TSHZ1: variants seen among roughly 807,000 people sequenced by gnomAD.
TSHZ1 encodes the protein teashirt homolog 1.
Under a neutral mutation model 67.1 loss-of-function variants are expected in TSHZ1, and 12 were observed. That is an observed-to-expected ratio of 0.18 (90% CI 0.11 to 0.29). The LOEUF (loss-of-function observed/expected upper bound fraction) is 0.29. TSHZ1 is among the 10% of genes least tolerant of loss of function. The probability of loss-of-function intolerance (pLI) is 1.00; values close to 1 mark genes in which losing one functional copy is unlikely to be tolerated. For synonymous variants in TSHZ1, 632 were observed against 622.4 expected (o/e 1.02, Z -0.23); for missense variants, 1,305 against 1,413.9 (o/e 0.92, Z 1.23).
chr18:75,252,320 G>A (rs1171700300), intron 1 of TSHZ1, among the ~76,000 whole-genome samples: 1 of 152,186 alleles, frequency 6.6e-6, no homozygotes, highest in African/African-American at 2.4e-5. Flanking sequence ...CCAGGTCAAA[G>A]GTTTTGGATG....
At chr18:75,232,193 G>A (rs7241168) in intron 1 of TSHZ1, among the ~76,000 whole-genome samples, 35,089 of 151,968 alleles carry the variant, frequency 0.23, 4,046 homozygotes, top group East Asian at 0.32. Flanking sequence ...GATTACAGGC[G>A]TGAGCCACTG....
chr18:75,236,777 A>G (rs558563609), intron 1 of TSHZ1, among the ~76,000 whole-genome samples: 115 of 152,108 alleles, frequency 7.6e-4, no homozygotes, highest in Non-Finnish European at 1.4e-3. Flanking sequence ...TTTCAGTTTT[A>G]TAGTTATCTT....
At chr18:75,253,232 T>A (rs1414000506) in intron 1 of TSHZ1, among the ~76,000 whole-genome samples, 1 of 152,240 alleles carries the variant, frequency 6.6e-6, no homozygotes, top group Non-Finnish European at 1.5e-5. Flanking sequence ...TTTGGGAATC[T>A]TTCTGATTAG....
At chr18:75,235,254 TGTGGCGTTGG>T (rs2023052581) in intron 1 of TSHZ1, among the ~76,000 whole-genome samples, 1 of 152,200 alleles carries the variant, frequency 6.6e-6, no homozygotes, top group Admixed American at 6.5e-5. Context: ...TTTCCTGACA[TGTGGCGTTGG>T]GTCCCTTATG....
Position 75,211,379 on chromosome 18 carries a change from C to G in TSHZ1, c.-498C>G, listed in dbSNP as rs1265019300. ...CTGCGACCCGCGCACTAAAAACACT[C>G]GCCGCGACCCCCAAACAGCGAGGAG... On this transcript the variant is annotated 5_prime_UTR_variant, in exon 1 of 2. Coordinates refer to ENST00000580243, the MANE Select transcript of TSHZ1 (RefSeq NM_001308210.2). 3 of 151,948 alleles carry G rather than the reference C, an allele frequency of 2.0e-5. No homozygotes were observed. Among genetic ancestry groups the G allele is most frequent in the Non-Finnish European group, 4.4e-5 (3 of 67,960 alleles). The allele number at this position is 151,948 out of a possible 1,614,324, so 9.4% of individuals were successfully genotyped here.
intron 1 of TSHZ1, among the ~76,000 whole-genome samples, chr18:75,264,124 G>T (rs1251654143): frequency 6.6e-6 from 1 of 152,188 alleles, no homozygotes; most frequent in African/African-American, 2.4e-5. Context: ...AGATCACATA[G>T]TGCCACTCAT....
chr18:75,231,227 C>T (rs1418087990), intron 1 of TSHZ1, among the ~76,000 whole-genome samples: 6 of 152,248 alleles, frequency 3.9e-5, no homozygotes, highest in African/African-American at 1.4e-4. Flanking sequence ...GCTCCCTCTG[C>T]TGAGATCTCA....
chr18:75,236,223 G>A (rs9966565), intron 1 of TSHZ1, among the ~76,000 whole-genome samples: 5,735 of 152,266 alleles, frequency 0.038, 137 homozygotes, highest in African/African-American at 0.069. Flanking sequence ...CCAGGGGTGT[G>A]TGTCTCAGCT....
chr18:75,242,014 T>G (rs1374154957), intron 1 of TSHZ1, among the ~76,000 whole-genome samples: 2 of 150,696 alleles, frequency 1.3e-5, no homozygotes, highest in East Asian at 3.9e-4. Flanking sequence ...AGTCACATTG[T>G]GAGGTTCTGG....
In TSHZ1 at chr18:75,287,985, A is replaced by T; in HGVS notation, c.2578A>T (p.Thr860Ser). ...RLTPKSSTPS[T>S]VSEKSDADGS... ...GACGCCCAAGTCCTCCACGCCCTCCACAGTTTCAGAGAAGTCCGATGCTGA... is the reference window on the plus strand; with the variant it reads ...GACGCCCAAGTCCTCCACGCCCTCCTCAGTTTCAGAGAAGTCCGATGCTGA... Residue 860 changes from threonine (T) to serine (S), a missense_variant, in exon 2 of 2, where the codon ACA becomes TCA. Around this residue, in one of 3 missense-constraint regions of TSHZ1, gnomAD observed 909 missense variants for 961.8 expected, o/e 0.95. Transcript: ENST00000580243. The surrounding 1 kb of genome is among the most constrained non-coding windows in gnomAD (Gnocchi z 5.0). 6.2e-7 allele frequency: 1 copy of T among 1,614,102 alleles called. No individual in the cohort carries two copies. The highest frequency in any genetic ancestry group is 8.5e-7 in the Non-Finnish European group (1 of 1,180,028).
chr18:75,272,517 A>G (rs184066318), intron 1 of TSHZ1, among the ~76,000 whole-genome samples: 2 of 152,380 alleles, frequency 1.3e-5, no homozygotes. Context: ...ATTGGAAATA[A>G]TCCTCTTTCA....
chr18:75,222,464 G>A (rs2022859421), intron 1 of TSHZ1, among the ~76,000 whole-genome samples: 1 of 152,078 alleles, frequency 6.6e-6, no homozygotes, highest in Non-Finnish European at 1.5e-5. Context: ...AAAGATCGTT[G>A]TCTCCTTTTT....
intron 1 of TSHZ1, among the ~76,000 whole-genome samples, chr18:75,218,116 C>G (rs1366358000): frequency 6.6e-6 from 1 of 152,122 alleles, no homozygotes; most frequent in Non-Finnish European, 1.5e-5. Context: ...ACCCAGGTTT[C>G]AAACAAAAGC....
At chr18:75,261,830 A>T (rs186055451) in intron 1 of TSHZ1, among the ~76,000 whole-genome samples, 31 of 152,342 alleles carry the variant, frequency 2.0e-4, no homozygotes, top group Admixed American at 2.0e-3. Flanking sequence ...GTTAATTTCC[A>T]TATAGGATAA....
intron 1 of TSHZ1, among the ~76,000 whole-genome samples, chr18:75,274,462 A>G (rs1056885446): frequency 6.6e-6 from 1 of 152,094 alleles, no homozygotes; most frequent in Non-Finnish European, 1.5e-5. Flanking sequence ...TTTAGTCTAA[A>G]AGATTGTATT....
chr18:75,260,355 A>C (rs1018382274), intron 1 of TSHZ1, among the ~76,000 whole-genome samples: 4 of 152,224 alleles, frequency 2.6e-5, no homozygotes, highest in African/African-American at 4.8e-5. Flanking sequence ...TTGTGTATTA[A>C]AATGGGTTGA....
chr18:75,223,160 T>A (rs1317557378), intron 1 of TSHZ1, among the ~76,000 whole-genome samples: 1 of 152,188 alleles, frequency 6.6e-6, no homozygotes, highest in Non-Finnish European at 1.5e-5. Context: ...CTCAGTTATC[T>A]CAACGAGAGT....
Position 75,252,461 on chromosome 18 carries a change from G to C in TSHZ1, c.41-32987G>C, listed in dbSNP as rs191834188. On this transcript the variant is annotated intron_variant, in intron 1 of 1. Coordinates refer to ENST00000580243, the MANE Select transcript of TSHZ1 (RefSeq NM_001308210.2). ...TGATATATTGAGTTGTTTTTATGTA[G>C]TTTAGTTGGTCCTTTCTTGCATAGT... Among the ~76,000 whole-genome samples, 15 of 152,266 alleles carry C rather than the reference G, an allele frequency of 9.9e-5. No homozygotes were observed. The East Asian group carries it at 2.5e-3, about 25-fold the overall frequency.
Position 75,286,581 on chromosome 18 carries a change from C to G in TSHZ1, c.1174C>G (p.Pro392Ala), listed in dbSNP as rs1358777817. 1 of 1,614,206 alleles carries G rather than the reference C, an allele frequency of 6.2e-7. No individual in the cohort carries two copies. Among genetic ancestry groups the G allele is most frequent in the Admixed American group, 1.7e-5 (1 of 60,032 alleles). Residue 392 changes from proline (P) to alanine (A), a missense_variant, in exon 2 of 2, where the codon CCC (proline) becomes GCC (alanine). Transcript: ENST00000580243. The surrounding 1 kb of genome is among the most constrained non-coding windows in gnomAD (Gnocchi z 5.1). ...GAAAGCAGCGAACCCGTACGTCACG[C>G]CCAATAACCGCTATGGCTACCAGAA... The part of the protein sequence containing the change: ...DQKAANPYVT[P>A]NNRYGYQNGA...
Sources: gnomAD v4.1 joint callset for allele counts (sites outside exome capture counted in the v4.1 genomes callset) on GRCh38, gnomAD v4.1.1 for gene constraint, gnomAD v4.1.1 regional missense constraint, Gnocchi (gnomAD v3.1) non-coding constraint, MANE v1.5 for transcripts, NCBI Gene and HGNC (gene_info 2026-07-23, HGNC 2026-07-21) for gene names.